Variants in PARD3 observed in about 807,000 individuals in gnomAD.
The protein encoded by PARD3 is par-3 family cell polarity regulator.
Under a neutral mutation model 155.4 loss-of-function variants are expected in PARD3, and 75 were observed. The observed-to-expected ratio is 0.48, with a 90% CI of 0.40 to 0.58. The LOEUF is 0.58. Ranked by LOEUF, PARD3 falls within the 20% of genes least tolerant of loss-of-function variation. PARD3 has a pLI of 0.00. For missense variants in PARD3, 1,642 were observed against 1,721.7 expected (o/e 0.95, Z 0.82); for synonymous variants, 576 against 610.5 (o/e 0.94, Z 0.83).
intron 22 of PARD3, among the ~76,000 whole-genome samples, chr10:34,237,301 C>T (rs1953295066): frequency 6.6e-6 from 1 of 152,156 alleles, no homozygotes; most frequent in Admixed American, 6.5e-5. Context: ...AAATTCTCAG[C>T]TTTAACTTTG....
At chr10:34,444,469 T>C (rs144651272) in intron 5 of PARD3, among the ~76,000 whole-genome samples, 162 of 152,356 alleles carry the variant, frequency 1.1e-3, no homozygotes, top group African/African-American at 3.5e-3. Context: ...CTTAAAACAC[T>C]GTCAAACATC....
chr10:34,693,671 A>T (rs2094111756), intron 2 of PARD3, among the ~76,000 whole-genome samples: 1 of 152,290 alleles, frequency 6.6e-6, no homozygotes, highest in Middle Eastern at 3.4e-3. Flanking sequence ...ATTTACCTAT[A>T]TAACAAACCT....
intron 15 of PARD3, chr10:34,343,497 A>G (rs903134456): frequency 1.0e-6 from 1 of 985,116 alleles, no homozygotes; most frequent in South Asian, 4.7e-5. Flanking sequence ...GTAAGAAAAT[A>G]ATTTAGCATT....
At chr10:34,806,912 T>C (rs1280878917) in intron 1 of PARD3, among the ~76,000 whole-genome samples, 1 of 152,040 alleles carries the variant, frequency 6.6e-6, no homozygotes, top group Non-Finnish European at 1.5e-5. Flanking sequence ...TATGAGAACA[T>C]GGGGAAACAG....
chr10:34,317,633 G>A (rs1335559331), intron 19 of PARD3, among the ~76,000 whole-genome samples: 1 of 152,140 alleles, frequency 6.6e-6, no homozygotes, highest in Non-Finnish European at 1.5e-5. Context: ...TACACTACTA[G>A]GGGGGTGCCA....
chr10:34,668,467 G>T (rs1564483866), intron 2 of PARD3, among the ~76,000 whole-genome samples: 1 of 152,166 alleles, frequency 6.6e-6, no homozygotes, highest in African/African-American at 2.4e-5. Flanking sequence ...TCACATCCAT[G>T]TGAGTAGCTT....
intron 22 of PARD3, among the ~76,000 whole-genome samples, chr10:34,186,366 A>AG (rs1468077674): frequency 6.6e-6 from 1 of 151,378 alleles, no homozygotes; most frequent in African/African-American, 2.4e-5. Flanking sequence ...TTAAAAAAAA[A>AG]AAAAAAAAAA....
chr10:34,147,215 C>T (rs930652915), intron 22 of PARD3, among the ~76,000 whole-genome samples: 20 of 152,098 alleles, frequency 1.3e-4, no homozygotes, highest in African/African-American at 4.1e-4. Flanking sequence ...CACCTCACCC[C>T]GATAACAGCA....
chr10:34,662,867 C>A (rs1311418271), intron 2 of PARD3, among the ~76,000 whole-genome samples: 3 of 117,772 alleles, frequency 2.5e-5, no homozygotes, highest in Admixed American at 8.2e-5. Context: ...GAGAAACTGT[C>A]TCAGAAAAAA....
intron 2 of PARD3, among the ~76,000 whole-genome samples, chr10:34,548,536 C>T (rs1181086990): frequency 2.0e-5 from 3 of 149,084 alleles, no homozygotes; most frequent in Admixed American, 6.7e-5. Flanking sequence ...AGCGTGGTCA[C>T]GTATGAAGGA....
Position 34,111,178 on chromosome 10 carries a change from G to A in PARD3, c.4053C>T (p.Phe1351=), listed in dbSNP as rs949584084. The A allele has an allele frequency of 1.3e-6, 2 of 1,551,218 alleles. No individual in the cohort carries two copies. Among genetic ancestry groups the A allele is most frequent in the East Asian group, 2.3e-5 (1 of 43,872 alleles). Residue 1351 remains phenylalanine, a synonymous_variant, in exon 25 of 25, where the codon TTC becomes TTT. Transcript: ENST00000374788. Reference sequence around the variant, plus strand: ...TCCGTTATTTGCGTGCTCAGGAATAGAAGGGCCTCCCTTTCTCAGGAGTCT... The same window carrying A: ...TCCGTTATTTGCGTGCTCAGGAATAAAAGGGCCTCCCTTTCTCAGGAGTCT... ...RLQTPEKGRP[F]YS
intron 22 of PARD3, among the ~76,000 whole-genome samples, chr10:34,224,206 GAC>G (rs2133498583): frequency 6.6e-6 from 1 of 152,280 alleles, no homozygotes; most frequent in Non-Finnish European, 1.5e-5. Flanking sequence ...CTTTTCATAA[GAC>G]ACAGTTAAGA....
intron 22 of PARD3, among the ~76,000 whole-genome samples, chr10:34,196,763 C>G (rs1023014055): frequency 6.6e-6 from 1 of 151,764 alleles, no homozygotes; most frequent in Non-Finnish European, 1.5e-5. Context: ...TTAGTAGAGA[C>G]AGGGTTACAC....
chr10:34,179,915 T>A (rs944484228), intron 22 of PARD3, among the ~76,000 whole-genome samples: 2 of 150,354 alleles, frequency 1.3e-5, no homozygotes, highest in East Asian at 3.9e-4. Flanking sequence ...AAATGCCTTA[T>A]TTTTTTTTTA....
At chr10:34,167,450 A>G (rs1344817791) in intron 22 of PARD3, among the ~76,000 whole-genome samples, 1 of 152,050 alleles carries the variant, frequency 6.6e-6, no homozygotes, top group South Asian at 2.1e-4. Context: ...GGTTTTCGTG[A>G]AAAGGTGCTC....
At chr10:34,401,020 ACATT>A (rs1421957073) in intron 6 of PARD3, among the ~76,000 whole-genome samples, 1 of 152,196 alleles carries the variant, frequency 6.6e-6, no homozygotes, top group African/African-American at 2.4e-5. Context: ...TGGCTGCCAT[ACATT>A]CAAACAGCAT....
chr10:34,147,948 C>G (rs1018297532), intron 22 of PARD3, among the ~76,000 whole-genome samples: 1 of 152,122 alleles, frequency 6.6e-6, no homozygotes, highest in African/African-American at 2.4e-5. Context: ...AAAACATCTG[C>G]TAAAACTCAG....
chr10:34,809,008 G>A (rs991313725), intron 1 of PARD3, among the ~76,000 whole-genome samples: 3 of 152,152 alleles, frequency 2.0e-5, no homozygotes, highest in Non-Finnish European at 4.4e-5. Flanking sequence ...CGCCCAAGGC[G>A]AATCCCAGGA....
rs144330998 is a variant in PARD3 at position 34,337,398 on chromosome 10, G to A, written c.2437C>T (p.Leu813Phe). Residue 813 changes from leucine (L) to phenylalanine (F), a missense_variant, in exon 17 of 25, where the codon CTT (leucine) becomes TTT (phenylalanine). Physicochemically the swap from Leu to Phe is conservative, Grantham distance 22. Around this residue, in one of 3 missense-constraint regions of PARD3, gnomAD observed 1,529 missense variants for 1,587.3 expected, o/e 0.96. Transcript: ENST00000374788. ...CSLSPDVDPVLAFQREGFGRQ... is the reference protein window; with the variant it reads ...CSLSPDVDPVFAFQREGFGRQ... ...CCAAATCCTTCTCGTTGAAAAGCAAGAACTGGATCAACATCTGGACTCAAA... is the reference window on the plus strand; with the variant it reads ...CCAAATCCTTCTCGTTGAAAAGCAAAAACTGGATCAACATCTGGACTCAAA... 11 of 1,598,258 alleles carry A rather than the reference G, an allele frequency of 6.9e-6. No individual in the cohort carries two copies. In the Admixed American group the frequency reaches 1.2e-4, roughly 18 times the overall value.
Sources: allele counts gnomAD v4.1 joint callset (sites outside exome capture counted in the v4.1 genomes callset), GRCh38; gene constraint gnomAD v4.1.1; regional missense constraint gnomAD v4.1.1; transcripts MANE v1.5; gene names NCBI Gene and HGNC (gene_info 2026-07-23, HGNC 2026-07-21).